NRXN3: variants seen among roughly 807,000 people sequenced by gnomAD.
NRXN3 encodes the protein neurexin 3, also known as neurexin III.
NRXN3 carries 32 observed loss-of-function variants against 137.6 expected under a neutral mutation model. The observed-to-expected ratio is 0.23, with a 90% CI of 0.18 to 0.31. The LOEUF (loss-of-function observed/expected upper bound fraction) is 0.31. Among genes scored for constraint, NRXN3 ranks in the 10% least tolerant of loss-of-function variants. The pLI, the probability that NRXN3 is intolerant of heterozygous loss-of-function variation, is 1.00. For synonymous variants in NRXN3, 798 were observed against 784.5 expected (o/e 1.02, Z -0.29); for missense variants, 1,574 against 2,062.5 (o/e 0.76, Z 4.59).
At chr14:78,943,968 G>A (rs1466470217) in intron 10 of NRXN3, among the ~76,000 whole-genome samples, 1 of 151,962 alleles carries the variant, frequency 6.6e-6, no homozygotes, top group Non-Finnish European at 1.5e-5. Flanking sequence ...GGGTGTTGAA[G>A]GGTGAGAGGA....
intron 20 of NRXN3, among the ~76,000 whole-genome samples, chr14:79,840,465 A>G (rs2099353666): frequency 6.6e-6 from 1 of 152,188 alleles, no homozygotes; most frequent in South Asian, 2.1e-4. Context: ...AAATCTGTAG[A>G]GATCTTAGGA....
At chr14:78,773,904 C>T (rs1257329901) in intron 8 of NRXN3, among the ~76,000 whole-genome samples, 4 of 152,070 alleles carry the variant, frequency 2.6e-5, no homozygotes, top group Admixed American at 6.6e-5. Context: ...CGGGTTCAAG[C>T]GATTCTCCTG....
intron 10 of NRXN3, among the ~76,000 whole-genome samples, chr14:78,814,204 TA>T (rs2098924193): frequency 6.6e-6 from 1 of 152,200 alleles, no homozygotes; most frequent in South Asian, 2.1e-4. Context: ...ATGTATTTCT[TA>T]ATACACTTAA....
rs543714125 is a variant in NRXN3 at position 79,349,623 on chromosome 14, C to T, written c.3263-117598C>T. Among the ~76,000 whole-genome samples the T allele has an allele frequency of 4.9e-4, 74 of 151,462 alleles. 1 individual carries two copies. Among genetic ancestry groups the T allele is most frequent in the African/African-American group, 1.6e-3 (68 of 41,242 alleles). ...ATACATAATATGTTGATGTCCTAAC[C>T]TCTAGTACCTAAAAACCTTAAAACC... On this transcript the variant is annotated intron_variant, in intron 15 of 20. Transcript: ENST00000335750.
intron 2 of NRXN3, among the ~76,000 whole-genome samples, chr14:78,250,573 G>A (rs78973416): frequency 0.01 from 1,584 of 152,326 alleles, 34 homozygotes; most frequent in African/African-American, 0.036. Context: ...ATGACTGCGG[G>A]ATGGGATTCA....
At chr14:79,655,788 C>G (rs1050731058) in intron 16 of NRXN3, among the ~76,000 whole-genome samples, 1 of 152,126 alleles carries the variant, frequency 6.6e-6, no homozygotes, top group Non-Finnish European at 1.5e-5. Flanking sequence ...AAAATGTCTC[C>G]AGACATTGCC....
intron 15 of NRXN3, among the ~76,000 whole-genome samples, chr14:79,361,656 G>A (rs535766631): frequency 6.6e-6 from 1 of 152,174 alleles, no homozygotes; most frequent in African/African-American, 2.4e-5. Context: ...GGCAGAGGTT[G>A]CAGTGAGCTG....
At chr14:78,904,590 C>T (rs2099208967) in intron 10 of NRXN3, among the ~76,000 whole-genome samples, 1 of 152,066 alleles carries the variant, frequency 6.6e-6, no homozygotes, top group Admixed American at 6.6e-5. Context: ...ACCTCAACCT[C>T]TCCCTCGAAT....
At chr14:79,051,212 G>A (rs1202150135) in intron 15 of NRXN3, among the ~76,000 whole-genome samples, 3 of 133,448 alleles carry the variant, frequency 2.2e-5, no homozygotes, top group Admixed American at 8.4e-5. Flanking sequence ...GAGGAGATTC[G>A]TTTCCTCTGA....
intron 8 of NRXN3, among the ~76,000 whole-genome samples, chr14:78,724,162 C>T (rs1021809981): frequency 6.6e-6 from 1 of 152,154 alleles, no homozygotes; most frequent in Non-Finnish European, 1.5e-5. Context: ...TTGAACTTCT[C>T]CCTATTCTGG....
intron 20 of NRXN3, among the ~76,000 whole-genome samples, chr14:79,813,202 C>T (rs2099240761): frequency 1.3e-5 from 2 of 152,076 alleles, no homozygotes; most frequent in African/African-American, 4.8e-5. Flanking sequence ...TTTAACTTGG[C>T]AAACAAAGCA....
intron 15 of NRXN3, among the ~76,000 whole-genome samples, chr14:79,195,033 G>C (rs927231466): frequency 1.1e-4 from 16 of 151,846 alleles, no homozygotes; most frequent in Non-Finnish European, 1.8e-4. Context: ...AATTAATCAA[G>C]AGTTAGTCAT....
At chr14:78,770,545 G>C (rs1233270772) in intron 8 of NRXN3, among the ~76,000 whole-genome samples, 2 of 152,176 alleles carry the variant, frequency 1.3e-5, no homozygotes, top group African/African-American at 4.8e-5. Context: ...TGAACATAGT[G>C]GCCAAAGGGC....
At chr14:78,389,772 T>C (rs1487701438) in intron 4 of NRXN3, among the ~76,000 whole-genome samples, 1 of 152,164 alleles carries the variant, frequency 6.6e-6, no homozygotes, top group Non-Finnish European at 1.5e-5. Context: ...ATTGAGACTC[T>C]TTCCTTTTAT....
chr14:78,915,345 C>CAA (rs35908076), intron 10 of NRXN3, among the ~76,000 whole-genome samples: 322 of 11,186 alleles, frequency 0.029, 93 homozygotes, highest in East Asian at 0.14. Context: ...ACGTGTGAAG[C>CAA]AAAAAAAAAA....
At chr14:79,253,268 G>A (rs2076165616) in intron 15 of NRXN3, among the ~76,000 whole-genome samples, 1 of 152,168 alleles carries the variant, frequency 6.6e-6, no homozygotes, top group African/African-American at 2.4e-5. Context: ...CAGGAGGAAG[G>A]TGTTGAACCA....
At chr14:79,751,251 C>T (rs2098996513) in intron 19 of NRXN3, among the ~76,000 whole-genome samples, 1 of 152,042 alleles carries the variant, frequency 6.6e-6, no homozygotes, top group Non-Finnish European at 1.5e-5. Flanking sequence ...TTTCATTGAG[C>T]AGTGGTTTGT....
At chr14:79,162,193 CA>C in intron 15 of NRXN3, among the ~76,000 whole-genome samples, 1 of 149,936 alleles carries the variant, frequency 6.7e-6, no homozygotes, top group East Asian at 2.0e-4. Context: ...GCACAATGTG[CA>C]GGTTAGTTAC....
intron 6 of NRXN3, among the ~76,000 whole-genome samples, chr14:78,670,445 C>G (rs1181129782): frequency 1.3e-5 from 2 of 152,180 alleles, no homozygotes; most frequent in Non-Finnish European, 2.9e-5. Context: ...AACCTCCTTT[C>G]TCATCCTGTG....
Sources: gnomAD v4.1 joint callset for allele counts (sites outside exome capture counted in the v4.1 genomes callset) on GRCh38, gnomAD v4.1.1 for gene constraint, MANE v1.5 for transcripts, NCBI Gene and HGNC (gene_info 2026-07-23, HGNC 2026-07-21) for gene names.